Variants in RAP1A observed in about 807,000 individuals in gnomAD.
RAP1A encodes ras-related protein Rap-1A.
In RAP1A, 6 loss-of-function variants were observed where a neutral mutation model predicts 26.4. That is an observed-to-expected ratio of 0.23 (90% CI 0.12 to 0.45). The LOEUF (loss-of-function observed/expected upper bound fraction) is 0.45, where lower values mean the gene tolerates loss of function less well. Ranked by LOEUF, RAP1A falls within the 20% of genes least tolerant of loss-of-function variation. RAP1A has a pLI of 0.99. For synonymous variants in RAP1A, 73 were observed against 79.4 expected (o/e 0.92, Z 0.43); for missense variants, 121 against 217.2 (o/e 0.56, Z 2.78).
chr1:111,556,339 T>C (rs1657491948), intron 1 of RAP1A, among the ~76,000 whole-genome samples: 1 of 152,176 alleles, frequency 6.6e-6, no homozygotes, highest in African/African-American at 2.4e-5. Context: ...TGTAAAATTG[T>C]ACAAGTGCTA....
At chr1:111,552,124 A>C (rs988726858) in intron 1 of RAP1A, among the ~76,000 whole-genome samples, 1 of 152,186 alleles carries the variant, frequency 6.6e-6, no homozygotes, top group Non-Finnish European at 1.5e-5. Context: ...TCAACAAATG[A>C]CTCCAGATAG....
intron 1 of RAP1A, among the ~76,000 whole-genome samples, chr1:111,549,929 A>T (rs1263263693): frequency 6.6e-6 from 1 of 152,212 alleles, no homozygotes; most frequent in Non-Finnish European, 1.5e-5. Context: ...CTGGAATTAC[A>T]GGCATGAGCA....
chr1:111,658,024 T>C (rs1326662078), intron 1 of RAP1A, among the ~76,000 whole-genome samples: 1 of 152,176 alleles, frequency 6.6e-6, no homozygotes, highest in Admixed American at 6.5e-5. Flanking sequence ...GAGACTTACT[T>C]TATAATTTAG....
At chr1:111,710,902 C>T (rs573216786) in intron 7 of RAP1A, among the ~76,000 whole-genome samples, 17 of 152,344 alleles carry the variant, frequency 1.1e-4, no homozygotes, top group Admixed American at 2.0e-4. Flanking sequence ...GCACACTCTG[C>T]TCACTGCAAC....
At chr1:111,549,026 A>G (rs1252197243) in intron 1 of RAP1A, among the ~76,000 whole-genome samples, 1 of 152,224 alleles carries the variant, frequency 6.6e-6, no homozygotes, top group Non-Finnish European at 1.5e-5. Flanking sequence ...TTTTCCATGA[A>G]CTTTTGAAGA....
intron 1 of RAP1A, among the ~76,000 whole-genome samples, chr1:111,671,181 C>T (rs996097216): frequency 1.3e-5 from 2 of 152,154 alleles, no homozygotes; most frequent in African/African-American, 4.8e-5. Flanking sequence ...TACAGTGGTA[C>T]AGTCACAGCT....
chr1:111,632,021 G>C (rs753362994), intron 1 of RAP1A, among the ~76,000 whole-genome samples: 1 of 152,092 alleles, frequency 6.6e-6, no homozygotes, highest in Non-Finnish European at 1.5e-5. Flanking sequence ...GAAATGAGGT[G>C]ATGGAATTAC....
Position 111,619,811 on chromosome 1 carries a change from C to A in RAP1A, c.-151C>A, listed in dbSNP as rs919951902. 9 of 399,348 alleles carry A rather than the reference C, an allele frequency of 2.3e-5. No individual in the cohort carries two copies. Among genetic ancestry groups the A allele is most frequent in the Admixed American group, 4.4e-5 (1 of 22,658 alleles). 24.7% of individuals were successfully genotyped at this position (399,348 alleles called of 1,614,324 possible). A position where few individuals can be genotyped will look rare whatever the true frequency, so the allele number is the denominator to read the frequency against. On this transcript the variant is annotated 5_prime_UTR_variant, in exon 1 of 8. Coordinates refer to ENST00000369709, the MANE Select transcript of RAP1A (RefSeq NM_002884.4). The stretch of plus-strand genomic sequence containing the variant: ...GCCGCCGCCGCTCCCGAGGCCCCTG[C>A]CGCCGCCGCTCCCGCTGCTGTCGCC...
intron 1 of RAP1A, among the ~76,000 whole-genome samples, chr1:111,665,953 G>GCC (rs1249659195): frequency 6.6e-6 from 1 of 151,988 alleles, no homozygotes; most frequent in African/African-American, 2.4e-5. Context: ...GTAACCTTTG[G>GCC]GTTTGTCTTG....
At chr1:111,591,060 G>A (rs536602827) in intron 1 of RAP1A, among the ~76,000 whole-genome samples, 6 of 152,076 alleles carry the variant, frequency 3.9e-5, no homozygotes, top group African/African-American at 7.2e-5. Context: ...CCAATTCAAC[G>A]TTTTAAAAAT....
chr1:111,683,776 A>G (rs537772515), intron 1 of RAP1A, among the ~76,000 whole-genome samples: 1 of 152,196 alleles, frequency 6.6e-6, no homozygotes, highest in Non-Finnish European at 1.5e-5. Context: ...ATTCCAAACA[A>G]CAGAAGAAGA....
At chr1:111,632,239 T>A (rs61520186) in intron 1 of RAP1A, among the ~76,000 whole-genome samples, 2 of 131,092 alleles carry the variant, frequency 1.5e-5, no homozygotes, top group Non-Finnish European at 3.3e-5. Flanking sequence ...TTTTTTTTTT[T>A]AAACTAATGC....
intron 1 of RAP1A, among the ~76,000 whole-genome samples, chr1:111,651,797 T>G (rs1051775452): frequency 3.3e-5 from 5 of 151,946 alleles, no homozygotes; most frequent in Admixed American, 3.3e-4. Context: ...TGTTTTTAGT[T>G]GAGACAGCGT....
At chr1:111,709,402 G>T in intron 7 of RAP1A, 138 bp downstream of exon 7, 1 of 996,734 alleles carries the variant, frequency 1.0e-6, no homozygotes, top group Non-Finnish European at 1.4e-6. Context: ...TAACTTGTAG[G>T]TACGTCATCT....
At chr1:111,622,634 C>T (rs1281652092) in intron 1 of RAP1A, among the ~76,000 whole-genome samples, 3 of 152,110 alleles carry the variant, frequency 2.0e-5, no homozygotes, top group Non-Finnish European at 2.9e-5. Flanking sequence ...ATGGTAATGT[C>T]GCTTGTATAC....
chr1:111,711,348 A>G (rs1662380080), intron 7 of RAP1A, among the ~76,000 whole-genome samples: 1 of 152,320 alleles, frequency 6.6e-6, no homozygotes, highest in Admixed American at 6.5e-5. Flanking sequence ...AGTTCTCACA[A>G]AATATCCTTT....
intron 1 of RAP1A, among the ~76,000 whole-genome samples, chr1:111,672,526 G>A (rs1661005921): frequency 6.6e-6 from 1 of 151,996 alleles, no homozygotes; most frequent in African/African-American, 2.4e-5. Flanking sequence ...CACAGATGTG[G>A]GAAGACAGAA....
At chr1:111,667,123 C>T (rs1051790858) in intron 1 of RAP1A, among the ~76,000 whole-genome samples, 1 of 152,082 alleles carries the variant, frequency 6.6e-6, no homozygotes, top group African/African-American at 2.4e-5. Flanking sequence ...TTTCAGTAGT[C>T]CCAGGAGGTT....
intron 1 of RAP1A, among the ~76,000 whole-genome samples, chr1:111,570,838 A>G (rs576203240): frequency 2.0e-5 from 3 of 152,376 alleles, no homozygotes; most frequent in African/African-American, 7.2e-5. Context: ...GCACCAAGCC[A>G]TTCATGAGGG....
Sources: gnomAD v4.1 joint callset for allele counts (sites outside exome capture counted in the v4.1 genomes callset) on GRCh38, gnomAD v4.1.1 for gene constraint, MANE v1.5 for transcripts, NCBI Gene and HGNC (gene_info 2026-07-23, HGNC 2026-07-21) for gene names.